Variants in TNRC6B observed in about 807,000 individuals in gnomAD.
TNRC6B encodes the protein trinucleotide repeat-containing gene 6B protein.
A neutral mutation model predicts 203.6 loss-of-function variants in TNRC6B; 52 were observed. The ratio of observed to expected loss-of-function variants is 0.26; its 90% confidence interval spans 0.20 to 0.32. The LOEUF (loss-of-function observed/expected upper bound fraction) is 0.32. TNRC6B is among the 10% of genes least tolerant of loss of function. TNRC6B has a pLI of 1.00. For synonymous variants in TNRC6B, 838 were observed against 845.7 expected, an observed-to-expected ratio of 0.99 and a Z score of 0.16; for missense variants, 1,923 against 2,286.2, an observed-to-expected ratio of 0.84 and a Z score of 3.24.
chr22:40,248,686 T>A (rs554277296), intron 2 of TNRC6B, among the ~76,000 whole-genome samples: 3 of 152,292 alleles, frequency 2.0e-5, no homozygotes, highest in African/African-American at 7.2e-5. Flanking sequence ...CTATGTGCCT[T>A]CATCTGCATT....
chr22:40,170,427 ATATATATAGTTTATATATATATT>A, intron 4 of TNRC6B, among the ~76,000 whole-genome samples: 1 of 23,958 alleles, frequency 4.2e-5, no homozygotes, highest in East Asian at 8.8e-4. Flanking sequence ...TATATATATT[ATATATATAGTTTATATATATATT>A]ATATATATAG....
At chr22:40,104,852 A>T (rs577287520) in intron 1 of TNRC6B, among the ~76,000 whole-genome samples, 1 of 152,308 alleles carries the variant, frequency 6.6e-6, no homozygotes, top group South Asian at 2.1e-4. Flanking sequence ...GAAGGCCGCA[A>T]AACTGAGTGT....
chr22:40,077,986 A>G (rs773114994), intron 1 of TNRC6B, among the ~76,000 whole-genome samples: 5 of 152,230 alleles, frequency 3.3e-5, no homozygotes, highest in Admixed American at 6.5e-5. Context: ...TAGTGTCAAC[A>G]ACATTGCAGT....
chr22:40,126,580 ATTTTTTTTTTTTTT>A (rs955369459), intron 3 of TNRC6B, among the ~76,000 whole-genome samples: 2 of 88,784 alleles, frequency 2.3e-5, no homozygotes, highest in Admixed American at 1.2e-4. Context: ...ACGTTATTTA[ATTTTTTTTTTTTTT>A]TTTTTTTTTT....
At chr22:40,311,119 A>G in intron 17 of TNRC6B, 126 bp downstream of exon 17, 1 of 1,135,764 alleles carries the variant, frequency 8.8e-7, no homozygotes. Context: ...TTCATTCAAT[A>G]ATTGTCTGTT....
intron 1 of TNRC6B, among the ~76,000 whole-genome samples, chr22:40,047,469 G>C (rs1601781942): frequency 1.3e-5 from 2 of 152,118 alleles, no homozygotes; most frequent in East Asian, 1.9e-4. Context: ...CGGGCGTGGT[G>C]GTGGGCGCCT....
At chr22:40,198,333 TA>T (rs1482328495) in intron 1 of TNRC6B, among the ~76,000 whole-genome samples, 1 of 152,168 alleles carries the variant, frequency 6.6e-6, no homozygotes, top group Non-Finnish European at 1.5e-5. Flanking sequence ...AGATATTCTT[TA>T]AAAAATACAT....
At chr22:40,259,200 C>G (rs768432566) in intron 3 of TNRC6B, among the ~76,000 whole-genome samples, 3 of 151,980 alleles carry the variant, frequency 2.0e-5, no homozygotes, top group Non-Finnish European at 2.9e-5. Context: ...TGTTATAGGT[C>G]ATGAATATTA....
At chr22:40,118,123 T>C (rs1331337905) in intron 2 of TNRC6B, among the ~76,000 whole-genome samples, 5 of 152,156 alleles carry the variant, frequency 3.3e-5, no homozygotes, top group African/African-American at 1.2e-4. Context: ...GATAAATTGA[T>C]GATGAATTTC....
intron 17 of TNRC6B, 30 bp downstream of exon 17, chr22:40,311,023 T>C: frequency 6.3e-7 from 1 of 1,582,678 alleles, no homozygotes; most frequent in Non-Finnish European, 8.6e-7. Context: ...TTTCCCAGGA[T>C]AGCATTTGTT....
intron 1 of TNRC6B, among the ~76,000 whole-genome samples, chr22:40,185,238 C>G (rs1194629843): frequency 6.6e-6 from 1 of 152,158 alleles, no homozygotes; most frequent in Non-Finnish European, 1.5e-5. Context: ...ATCCACCCAC[C>G]TCGGCCTCCC....
intron 4 of TNRC6B, among the ~76,000 whole-genome samples, chr22:40,157,149 C>T (rs949249570): frequency 6.6e-6 from 1 of 151,870 alleles, no homozygotes; most frequent in Admixed American, 6.6e-5. Flanking sequence ...GAATTTTTTT[C>T]CTCTCTCCGT....
intron 1 of TNRC6B, among the ~76,000 whole-genome samples, chr22:40,217,090 C>T (rs1359903052): frequency 6.6e-6 from 1 of 152,116 alleles, no homozygotes; most frequent in Non-Finnish European, 1.5e-5. Flanking sequence ...CTAGGTGTAC[C>T]GTATATCCTT....
chr22:40,206,984 T>C (rs1399606245), intron 1 of TNRC6B, among the ~76,000 whole-genome samples: 1 of 152,148 alleles, frequency 6.6e-6, no homozygotes, highest in African/African-American at 2.4e-5. Flanking sequence ...AGTCCAAAAT[T>C]ACTCGACCTC....
At chr22:40,126,779 C>CG (rs2146325184) in intron 3 of TNRC6B, among the ~76,000 whole-genome samples, 1 of 150,360 alleles carries the variant, frequency 6.7e-6, no homozygotes, top group Admixed American at 6.6e-5. Flanking sequence ...TTTGTAGAGA[C>CG]GGGGTCTCAC....
At chr22:40,197,359 A>G (rs2069352565) in intron 1 of TNRC6B, among the ~76,000 whole-genome samples, 1 of 151,730 alleles carries the variant, frequency 6.6e-6, no homozygotes, top group African/African-American at 2.4e-5. Flanking sequence ...ATCTCAGCTC[A>G]CTGCAACCTC....
intron 4 of TNRC6B, among the ~76,000 whole-genome samples, chr22:40,169,273 AG>A (rs2068948699): frequency 6.6e-6 from 1 of 151,626 alleles, no homozygotes; most frequent in Non-Finnish European, 1.5e-5. Flanking sequence ...CTGGGATCAC[AG>A]GTGCGCACCA....
chr22:40,294,725 C>A (rs911992025), intron 12 of TNRC6B, among the ~76,000 whole-genome samples: 1 of 152,172 alleles, frequency 6.6e-6, no homozygotes, highest in South Asian at 2.1e-4. Context: ...ACCCTCCTTT[C>A]CCCCAGACTC....
intron 2 of TNRC6B, among the ~76,000 whole-genome samples, chr22:40,248,110 C>T (rs2070134625): frequency 6.6e-6 from 1 of 151,628 alleles, no homozygotes. Context: ...AGTCAGATAA[C>T]CCAGAGATGT....
Sources: allele counts gnomAD v4.1 joint callset (sites outside exome capture counted in the v4.1 genomes callset), GRCh38; gene constraint gnomAD v4.1.1; transcripts MANE v1.5; gene names NCBI Gene and HGNC (gene_info 2026-07-23, HGNC 2026-07-21).